DOK4: variants seen among roughly 807,000 people sequenced by gnomAD.
DOK4 encodes downstream of tyrosine kinase 4.
DOK4 carries 26 observed loss-of-function variants against 40.1 expected under a neutral mutation model. The ratio of observed to expected loss-of-function variants is 0.65; its 90% CI spans 0.48 to 0.90. DOK4 has a LOEUF of 0.90. Ranked by LOEUF, DOK4 falls within the 40% of genes least tolerant of loss-of-function variation. The pLI is 0.00. For missense variants in DOK4, 392 were observed against 437.2 expected (o/e 0.90, Z 0.92); for synonymous variants, 179 against 177.0 (o/e 1.01, Z -0.09).
At chr16:57,478,310 G>C (rs1003319793) in intron 2 of DOK4, among the ~76,000 whole-genome samples, 1 of 152,212 alleles carries the variant, frequency 6.6e-6, no homozygotes, top group Non-Finnish European at 1.5e-5. Context: ...GCCCTGCTCT[G>C]TCTGGTACCC....
chr16:57,475,358 G>A, intron 4 of DOK4, 139 bp from the exon 5 acceptor site: 1 of 1,464,724 alleles, frequency 6.8e-7, no homozygotes, highest in Non-Finnish European at 9.3e-7. Context: ...TCAACCCTGA[G>A]GGCCTGCTCC....
chr16:57,483,763 A>T (rs1340065293), intron 1 of DOK4, among the ~76,000 whole-genome samples: 1 of 152,162 alleles, frequency 6.6e-6, no homozygotes, highest in Non-Finnish European at 1.5e-5. Context: ...GGCCTGCAGC[A>T]GGAAGAATGC....
rs747289489 is a variant in DOK4, at chr16:57,475,092, G to A, written c.409+8C>T. On this transcript the variant is annotated splice_region_variant and intron_variant, in intron 5 of 8. Coordinates refer to ENST00000340099, the Ensembl canonical transcript of DOK4. ...CTCCCCACCCCCAGGGCCAGGGCCC[G>A]GCCTCACCTGTCTGTTCACACTGCA... 3.4e-5 allele frequency: 52 copies of A among 1,537,208 alleles called. No homozygotes were observed. The highest frequency in any genetic ancestry group is 1.7e-4 in the Middle Eastern group (1 of 5,724).
chr16:57,486,738 C>T (rs1052402681), upstream of DOK4, among the ~76,000 whole-genome samples: 1 of 151,994 alleles, frequency 6.6e-6, no homozygotes, highest in Non-Finnish European at 1.5e-5. Flanking sequence ...CAGCTCCCAG[C>T]CCCCACATCT....
intron 3 of DOK4, 77 bp downstream of exon 3, chr16:57,475,773 C>T (rs1323831151): frequency 1.6e-6 from 2 of 1,266,728 alleles, no homozygotes; most frequent in Non-Finnish European, 2.2e-6. Context: ...CTCTCCCTCT[C>T]TCCCCTCTCT....
chr16:57,473,477 G>A, exon 9 of DOK4: 1 of 1,614,202 alleles, frequency 6.2e-7, no homozygotes. Context: ...GCTGGCCTGG[G>A]CTGCCCCATA....
chr16:57,475,952 G>A (rs1374345643), exon 3 of DOK4: 1 of 1,612,364 alleles, frequency 6.2e-7, no homozygotes, highest in East Asian at 2.2e-5. Flanking sequence ...AGCACCTCCG[G>A]TAGATCTGTG....
chr16:57,479,840 C>T lies in DOK4; in HGVS notation c.-181-152G>A, dbSNP rs72788087. 0.039 allele frequency: 10,209 copies of T among 264,584 alleles called. 275 individuals are homozygous for T. Among genetic ancestry groups the T allele is most frequent in the Middle Eastern group, 0.062 (54 of 874 alleles). 16.4% of individuals were successfully genotyped at this position (264,584 alleles called of 1,614,324 possible). ...CCGCCCTTCTTCCTTCCCTTCCCTC[C>T]CCACCCCAGGACGACAGAACCATTC... is the stretch of plus-strand genomic sequence containing the variant. On this transcript the variant is annotated intron_variant, in intron 1 of 8. Transcript: ENST00000340099. The surrounding 1 kb of genome is among the most constrained non-coding windows in gnomAD (Gnocchi z 5.8).
intron 1 of DOK4, among the ~76,000 whole-genome samples, chr16:57,483,512 C>G (rs541140335): frequency 3.2e-4 from 49 of 152,270 alleles, no homozygotes; most frequent in South Asian, 1.9e-3. Context: ...TGCCTGTAGT[C>G]ACAGCTACTG....
At chr16:57,473,396 G>C (rs2030967249) in exon 9 of DOK4, 4 of 1,613,778 alleles carry the variant, frequency 2.5e-6, no homozygotes, top group Admixed American at 3.3e-5. Context: ...TGGGGTCTTG[G>C]CCTCACTGCT....
chr16:57,486,355 C>G (rs1265618238), exon 1 of DOK4: 2 of 151,618 alleles, frequency 1.3e-5, no homozygotes, highest in Admixed American at 1.3e-4. Flanking sequence ...CGCCGCGGAG[C>G]AGGCTCATGC....
chr16:57,481,477 C>A (rs2031406915), intron 1 of DOK4: 1 of 152,366 alleles, frequency 6.6e-6, no homozygotes, highest in Admixed American at 6.5e-5. Context: ...CTCTGGCAGC[C>A]AGAGATGGGT....
At chr16:57,473,201 T>TA (rs1294922054) in exon 9 of DOK4, 2 of 876,030 alleles carry the variant, frequency 2.3e-6, no homozygotes, top group African/African-American at 3.4e-5. Context: ...CATGCTCAGG[T>TA]GGTGTGGCCA....
exon 9 of DOK4, chr16:57,473,176 C>A: frequency 1.5e-6 from 1 of 689,100 alleles, no homozygotes; most frequent in Non-Finnish European, 2.4e-6. Flanking sequence ...CCCACGGTAG[C>A]TCCAACCCCT....
chr16:57,474,667 A>G, intron 6 of DOK4, 126 bp downstream of exon 6: 1 of 1,206,842 alleles, frequency 8.3e-7, no homozygotes, highest in Non-Finnish European at 1.2e-6. Flanking sequence ...TGGGAACATT[A>G]CATTCCCCCT....
chr16:57,473,366 C>T, exon 9 of DOK4: 2 of 1,611,196 alleles, frequency 1.2e-6, no homozygotes, highest in Non-Finnish European at 1.7e-6. Flanking sequence ...CGGTGCTCGC[C>T]AGCACTGTGG....
intron 1 of DOK4, chr16:57,481,596 G>C (rs917145286): frequency 5.3e-5 from 8 of 152,254 alleles, no homozygotes; most frequent in African/African-American, 1.9e-4. Context: ...CTGACCACTG[G>C]CTGTGGGTCT....
At chr16:57,474,002 T>G in exon 7 of DOK4, 1 of 1,614,088 alleles carries the variant, frequency 6.2e-7, no homozygotes, top group Non-Finnish European at 8.5e-7. Context: ...CCCTCTTGTG[T>G]CTGGAAGGTA....
At chr16:57,472,051 TG>T (rs2030869587) in exon 9 of DOK4, 1 of 152,820 alleles carries the variant, frequency 6.5e-6, no homozygotes, top group African/African-American at 2.4e-5. Context: ...CAGCCAGCTC[TG>T]CCTCCCTCCC....
Sources: gnomAD v4.1 joint callset for allele counts (sites outside exome capture counted in the v4.1 genomes callset) on GRCh38, gnomAD v4.1.1 for gene constraint, Gnocchi (gnomAD v3.1) non-coding constraint, MANE v1.5 for transcripts, NCBI Gene and HGNC (gene_info 2026-07-23, HGNC 2026-07-21) for gene names.